NEGR1: variants seen among roughly 807,000 people sequenced by gnomAD.
NEGR1 encodes neuronal growth regulator 1, also known as IgLON family member 4.
Under a neutral mutation model 40.9 loss-of-function variants are expected in NEGR1, and 10 were observed. The observed-to-expected ratio is 0.24, with a 90% CI of 0.15 to 0.42. The LOEUF is 0.42. Among genes scored for constraint, NEGR1 ranks in the 10% least tolerant of loss-of-function variants. The pLI, the probability that NEGR1 is intolerant of heterozygous loss-of-function variation, is 1.00. For synonymous variants in NEGR1, 185 were observed against 166.8 expected (o/e 1.11, Z -0.84); for missense variants, 352 against 438.9 (o/e 0.80, Z 1.77).
At chr1:71,760,073 C>T (rs1321642630) in intron 3 of NEGR1, among the ~76,000 whole-genome samples, 1 of 152,002 alleles carries the variant, frequency 6.6e-6, no homozygotes, top group Non-Finnish European at 1.5e-5. Context: ...TTATCTGCTC[C>T]CCAGATTCAG....
intron 3 of NEGR1, among the ~76,000 whole-genome samples, chr1:71,727,490 A>G (rs1009280757): frequency 6.6e-6 from 1 of 152,146 alleles, no homozygotes; most frequent in African/African-American, 2.4e-5. Flanking sequence ...ATCCATGGAG[A>G]AAAAATCAAG....
intron 6 of NEGR1, among the ~76,000 whole-genome samples, chr1:71,415,402 A>G (rs1200577575): frequency 6.6e-6 from 1 of 152,038 alleles, no homozygotes; most frequent in African/African-American, 2.4e-5. Context: ...TGCTTGCTGA[A>G]TAACCATTTT....
At chr1:71,919,230 A>G (rs1259700749) in intron 2 of NEGR1, among the ~76,000 whole-genome samples, 1 of 152,158 alleles carries the variant, frequency 6.6e-6, no homozygotes, top group African/African-American at 2.4e-5. Context: ...AATATCTATT[A>G]TGCTGCTTCC....
At chr1:71,572,149 T>C (rs1648828895) in intron 6 of NEGR1, among the ~76,000 whole-genome samples, 1 of 152,202 alleles carries the variant, frequency 6.6e-6, no homozygotes, top group Non-Finnish European at 1.5e-5. Context: ...CATTAGAGTT[T>C]AAAACTCTAA....
At chr1:71,866,109 C>T (rs189705044) in intron 2 of NEGR1, among the ~76,000 whole-genome samples, 1 of 152,066 alleles carries the variant, frequency 6.6e-6, no homozygotes, top group African/African-American at 2.4e-5. Context: ...ACAAAAGACA[C>T]CTTTCCCTTT....
chr1:71,467,980 C>G (rs1646757879), intron 6 of NEGR1, among the ~76,000 whole-genome samples: 1 of 151,814 alleles, frequency 6.6e-6, no homozygotes, highest in Non-Finnish European at 1.5e-5. Flanking sequence ...TTTACCATAG[C>G]TAAAGGTGGA....
intron 1 of NEGR1, among the ~76,000 whole-genome samples, chr1:71,966,755 T>C (rs142826535): frequency 4.5e-4 from 68 of 152,306 alleles, no homozygotes; most frequent in African/African-American, 1.5e-3. Flanking sequence ...TCAAAATTCC[T>C]GCAGGTGATG....
At chr1:72,088,748 T>C (rs1412933249) in intron 1 of NEGR1, among the ~76,000 whole-genome samples, 2 of 149,298 alleles carry the variant, frequency 1.3e-5, no homozygotes, top group African/African-American at 4.9e-5. Context: ...AATGGAAACA[T>C]ACAATGATAA....
chr1:71,417,201 A>G (rs899806424), intron 6 of NEGR1, among the ~76,000 whole-genome samples: 5 of 152,172 alleles, frequency 3.3e-5, no homozygotes, highest in African/African-American at 1.2e-4. Context: ...ATCTTCTTCT[A>G]CAGAGTCTAA....
chr1:71,820,516 A>G (rs746383438), intron 2 of NEGR1, among the ~76,000 whole-genome samples: 1 of 152,024 alleles, frequency 6.6e-6, no homozygotes, highest in Non-Finnish European at 1.5e-5. Flanking sequence ...GTTGAAGTTG[A>G]TATCCAGAGC....
chr1:72,216,088 C>G (rs1653796052), intron 1 of NEGR1, among the ~76,000 whole-genome samples: 1 of 151,708 alleles, frequency 6.6e-6, no homozygotes, highest in Non-Finnish European at 1.5e-5. Context: ...AGCCATCATT[C>G]TCAGCAAACT....
chr1:71,592,183 G>GT (rs1230844356), intron 6 of NEGR1, among the ~76,000 whole-genome samples: 10 of 152,004 alleles, frequency 6.6e-5, no homozygotes, highest in Non-Finnish European at 1.3e-4. Flanking sequence ...ATTCATGGAG[G>GT]TTTCTAGCCT....
intron 1 of NEGR1, among the ~76,000 whole-genome samples, chr1:72,208,743 G>C (rs1055871170): frequency 6.6e-6 from 1 of 151,508 alleles, no homozygotes. Flanking sequence ...TTTTGATAAT[G>C]CTGCAATGAT....
chr1:71,804,588 C>G (rs1385922754), intron 2 of NEGR1, among the ~76,000 whole-genome samples: 1 of 152,224 alleles, frequency 6.6e-6, no homozygotes, highest in African/African-American at 2.4e-5. Context: ...CCTATCTTTA[C>G]TGCAATCTCT....
intron 2 of NEGR1, among the ~76,000 whole-genome samples, chr1:71,876,200 T>G (rs192811948): frequency 1.4e-4 from 22 of 152,266 alleles, no homozygotes; most frequent in Non-Finnish European, 2.6e-4. Flanking sequence ...TTCGGAAAAG[T>G]CCAGTATAGT....
At chr1:71,773,362 C>T (rs1445444663) in intron 3 of NEGR1, among the ~76,000 whole-genome samples, 1 of 152,132 alleles carries the variant, frequency 6.6e-6, no homozygotes, top group Non-Finnish European at 1.5e-5. Context: ...ATTTTTATAA[C>T]TGCTTTTAAC....
At chr1:71,629,815 TC>T (rs1251754804) in intron 4 of NEGR1, among the ~76,000 whole-genome samples, 1 of 151,896 alleles carries the variant, frequency 6.6e-6, no homozygotes, top group East Asian at 1.9e-4. Context: ...TTTTAAAAAC[TC>T]AATAGAGTTA....
chr1:71,421,787 T>C (rs1569852637), intron 6 of NEGR1, among the ~76,000 whole-genome samples: 1 of 152,102 alleles, frequency 6.6e-6, no homozygotes, highest in African/African-American at 2.4e-5. Flanking sequence ...ATAAAAAGGT[T>C]TGGGCTACAT....
intron 2 of NEGR1, among the ~76,000 whole-genome samples, chr1:71,828,388 T>C (rs1429475256): frequency 6.6e-6 from 1 of 152,014 alleles, no homozygotes; most frequent in Non-Finnish European, 1.5e-5. Context: ...AGGAAAAGGA[T>C]ATAATAAAGA....
Sources: allele counts gnomAD v4.1 joint callset (sites outside exome capture counted in the v4.1 genomes callset), GRCh38; gene constraint gnomAD v4.1.1; transcripts MANE v1.5; gene names NCBI Gene and HGNC (gene_info 2026-07-23, HGNC 2026-07-21).